KIF26B: variants seen among roughly 807,000 people sequenced by gnomAD.
KIF26B encodes kinesin family member 26B.
In KIF26B, 63 loss-of-function variants were observed where a neutral mutation model predicts 151.2. The ratio of observed to expected loss-of-function variants is 0.42; its 90% CI spans 0.34 to 0.51. The LOEUF is 0.51. Among genes scored for constraint, KIF26B ranks in the 20% least tolerant of loss-of-function variants. The pLI is 0.07. For missense variants in KIF26B, 2,813 were observed against 2,913.6 expected, an observed-to-expected ratio of 0.97 and a Z score of 0.79; for synonymous variants, 1,357 against 1,262.1, an observed-to-expected ratio of 1.08 and a Z score of -1.59.
intron 2 of KIF26B, among the ~76,000 whole-genome samples, chr1:245,231,680 G>A (rs927434522): frequency 6.6e-6 from 1 of 152,164 alleles, no homozygotes; most frequent in Non-Finnish European, 1.5e-5. Flanking sequence ...GGGAGAAGGA[G>A]GAGGAGGAGG....
At chr1:245,290,387 A>C (rs900550886) in intron 2 of KIF26B, among the ~76,000 whole-genome samples, 3 of 152,240 alleles carry the variant, frequency 2.0e-5, no homozygotes, top group African/African-American at 7.2e-5. Context: ...GTAAAGAAAC[A>C]AAAGTATGGC....
intron 2 of KIF26B, among the ~76,000 whole-genome samples, chr1:245,174,202 T>A (rs1036967399): frequency 1.3e-5 from 2 of 152,226 alleles, no homozygotes; most frequent in Non-Finnish European, 2.9e-5. Context: ...GTATGACTCT[T>A]TTGGAATTAG....
intron 2 of KIF26B, among the ~76,000 whole-genome samples, chr1:245,305,235 A>G (rs1441040112): frequency 6.6e-6 from 1 of 152,240 alleles, no homozygotes; most frequent in Non-Finnish European, 1.5e-5. Flanking sequence ...AAAAAAATAG[A>G]TGACTTGGGA....
At chr1:245,269,435 A>G (rs1322631692) in intron 2 of KIF26B, among the ~76,000 whole-genome samples, 1 of 151,568 alleles carries the variant, frequency 6.6e-6, no homozygotes, top group Admixed American at 6.6e-5. Flanking sequence ...CTCAAGGTTC[A>G]TTCATATTGT....
chr1:245,342,812 C>T (rs577484423), intron 2 of KIF26B, among the ~76,000 whole-genome samples: 5 of 152,098 alleles, frequency 3.3e-5, no homozygotes, highest in Non-Finnish European at 5.9e-5. Context: ...ATGTGCCAGG[C>T]GCCGTGGCTC....
At chr1:245,478,759 T>C (rs1218602499) in intron 4 of KIF26B, among the ~76,000 whole-genome samples, 3 of 151,638 alleles carry the variant, frequency 2.0e-5, no homozygotes, top group Non-Finnish European at 4.4e-5. Context: ...CTGTTGGGTA[T>C]CGACTGTGGG....
At chr1:245,175,019 G>A (rs182211115) in intron 2 of KIF26B, among the ~76,000 whole-genome samples, 15 of 152,212 alleles carry the variant, frequency 9.9e-5, no homozygotes, top group Admixed American at 3.3e-4. Context: ...AACCACTCTC[G>A]TGGACTGTGG....
intron 2 of KIF26B, among the ~76,000 whole-genome samples, chr1:245,275,740 G>C (rs181497840): frequency 1.3e-5 from 2 of 152,170 alleles, no homozygotes; most frequent in Admixed American, 6.5e-5. Flanking sequence ...TTTACCTTTG[G>C]TAGTGAACTT....
chr1:245,640,563 T>C (rs2043881931), intron 9 of KIF26B, among the ~76,000 whole-genome samples: 1 of 152,046 alleles, frequency 6.6e-6, no homozygotes, highest in Non-Finnish European at 1.5e-5. Flanking sequence ...TATTACTTAT[T>C]TTCTAGTTGT....
intron 3 of KIF26B, among the ~76,000 whole-genome samples, chr1:245,402,249 G>T (rs950962532): frequency 3.3e-5 from 5 of 152,216 alleles, no homozygotes; most frequent in African/African-American, 4.8e-5. Context: ...GAGAAAAAAG[G>T]TTCAAGTGGC....
intron 2 of KIF26B, among the ~76,000 whole-genome samples, chr1:245,225,618 G>A (rs542186972): frequency 7.1e-4 from 108 of 152,308 alleles, no homozygotes; most frequent in African/African-American, 2.5e-3. Context: ...CCTTGCTAGG[G>A]GTTCTTCCCT....
chr1:245,479,983 GC>G (rs1302839258), intron 4 of KIF26B, among the ~76,000 whole-genome samples: 1 of 151,828 alleles, frequency 6.6e-6, no homozygotes, highest in African/African-American at 2.4e-5. Flanking sequence ...AAGCTGCCCG[GC>G]CAGGTGCAGT....
chr1:245,527,524 CTTTTTTTTTTTTTT>C (rs548422038), intron 4 of KIF26B, among the ~76,000 whole-genome samples: 7 of 50,710 alleles, frequency 1.4e-4, no homozygotes, highest in African/African-American at 4.9e-4. Context: ...TTTGGGATGG[CTTTTTTTTTTTTTT>C]TTTTTTTTTT....
At chr1:245,344,260 T>C (rs1276072937) in intron 2 of KIF26B, among the ~76,000 whole-genome samples, 1 of 152,048 alleles carries the variant, frequency 6.6e-6, no homozygotes, top group Non-Finnish European at 1.5e-5. Flanking sequence ...TTTCTTTATT[T>C]TTCTTCCATC....
intron 2 of KIF26B, among the ~76,000 whole-genome samples, chr1:245,334,134 G>A (rs1027165848): frequency 6.6e-6 from 1 of 152,200 alleles, no homozygotes; most frequent in Non-Finnish European, 1.5e-5. Flanking sequence ...AAGAAACAAT[G>A]TGTGTGGGAG....
intron 10 of KIF26B, among the ~76,000 whole-genome samples, chr1:245,654,306 T>G (rs1429645666): frequency 1.3e-5 from 2 of 150,064 alleles, no homozygotes; most frequent in South Asian, 4.2e-4. Context: ...AATGTAATGA[T>G]GAGGGGTGGG....
chr1:245,673,249 CCCGCTGGGCGCTG>C lies in KIF26B; in HGVS notation c.2259-10981_2259-10969del, dbSNP rs1471597394. Reference sequence around the variant, plus strand: ...TGGGCCCAGTCCCCGAGGCCCAGTCCCCGCTGGGCGCTGCCATCTTAGGCCCAGTCCCCGCTGG... The same window carrying C: ...TGGGCCCAGTCCCCGAGGCCCAGTCCCCATCTTAGGCCCAGTCCCCGCTGG... On this transcript the variant is annotated intron_variant, in intron 10 of 14. Transcript: ENST00000407071. Among the ~76,000 whole-genome samples, 34 of 145,142 alleles carry C rather than the reference CCCGCTGGGCGCTG, an allele frequency of 2.3e-4. 2 individuals are homozygous for C. Among genetic ancestry groups the C allele is most frequent in the African/African-American group, 6.2e-4 (24 of 38,416 alleles).
At chr1:245,520,606 A>AT (rs1469718451) in intron 4 of KIF26B, among the ~76,000 whole-genome samples, 2,455 of 47,106 alleles carry the variant, frequency 0.052, 38 homozygotes, top group South Asian at 0.14. Flanking sequence ...CCATCCACCC[A>AT]CCCACCCATC....
chr1:245,454,985 T>C (rs1255822680), intron 4 of KIF26B, among the ~76,000 whole-genome samples: 1 of 152,134 alleles, frequency 6.6e-6, no homozygotes, highest in African/African-American at 2.4e-5. Context: ...ACATGGTAGG[T>C]GGTGTGTGCA....
Sources: gnomAD v4.1 joint callset for allele counts (sites outside exome capture counted in the v4.1 genomes callset) on GRCh38, gnomAD v4.1.1 for gene constraint, MANE v1.5 for transcripts, NCBI Gene and HGNC (gene_info 2026-07-23, HGNC 2026-07-21) for gene names.